PRUNE2: variants seen among roughly 807,000 people sequenced by gnomAD.
PRUNE2 encodes the protein protein prune homolog 2.
A neutral mutation model predicts 252.0 loss-of-function variants in PRUNE2; 164 were observed. That is an observed-to-expected ratio of 0.65 (90% confidence interval 0.57 to 0.74). The LOEUF is 0.74. Ranked by LOEUF, PRUNE2 falls within the 30% of genes least tolerant of loss-of-function variation. The pLI, the probability that PRUNE2 is intolerant of heterozygous loss-of-function variation, is 0.00. For missense variants in PRUNE2, 3,495 were observed against 3,711.0 expected (o/e 0.94, Z 1.51); for synonymous variants, 1,292 against 1,350.2 (o/e 0.96, Z 0.94).
intron 9 of PRUNE2, among the ~76,000 whole-genome samples, chr9:76,699,048 C>G (rs1435503657): frequency 2.9e-5 from 4 of 137,968 alleles, no homozygotes. Context: ...ACCCCCACCC[C>G]CTCCCTCCAT....
intron 6 of PRUNE2, among the ~76,000 whole-genome samples, chr9:76,740,810 T>C (rs534757680): frequency 2.6e-5 from 4 of 152,332 alleles, no homozygotes; most frequent in East Asian, 3.9e-4. Context: ...TGTTGGCTGA[T>C]TGAAGTTATA....
intron 11 of PRUNE2, among the ~76,000 whole-genome samples, chr9:76,651,562 G>T (rs1255105607): frequency 1.3e-5 from 2 of 152,126 alleles, no homozygotes; most frequent in African/African-American, 2.4e-5. Flanking sequence ...TAACTTCAGA[G>T]AATTCCACCC....
At chr9:76,796,725 GCATGAGATTAA>G (rs930302017) in intron 6 of PRUNE2, among the ~76,000 whole-genome samples, 1 of 152,146 alleles carries the variant, frequency 6.6e-6, no homozygotes, top group African/African-American at 2.4e-5. Flanking sequence ...TGGTGTTTCT[GCATGAGATTAA>G]CACTGGAATT....
intron 5 of PRUNE2, among the ~76,000 whole-genome samples, chr9:76,824,122 A>G (rs1357400597): frequency 6.6e-6 from 1 of 152,168 alleles, no homozygotes; most frequent in Non-Finnish European, 1.5e-5. Context: ...AAGGCAAGGA[A>G]GATCCACTAC....
chr9:76,846,556 G>T lies in PRUNE2; in HGVS notation c.467C>A (p.Ala156Asp). 6.2e-7 allele frequency: 1 copy of T among 1,614,090 alleles called. No individual in the cohort carries two copies. The highest frequency in any genetic ancestry group is 8.5e-7 in the Non-Finnish European group (1 of 1,179,966). The change falls in exon 4 of 19, where the codon GCT (alanine) becomes GAT (aspartate). Residue 156 changes from alanine (A) to aspartate (D), a missense_variant. Ala to Asp is a moderately radical substitution (Grantham distance 126). Transcript: ENST00000376718. Reference sequence around the variant, plus strand: ...CAGTTGCTCGGTGATGAGCTCAGGAGCCTCTTGGAGAATCTCCTTTAGCAC... The same window carrying T: ...CAGTTGCTCGGTGATGAGCTCAGGATCCTCTTGGAGAATCTCCTTTAGCAC... Reference protein sequence around the residue: ...SLVLKEILQEAPELITEQLAH... With the variant: ...SLVLKEILQEDPELITEQLAH...
chr9:76,655,526 G>T (rs368020223), intron 9 of PRUNE2, 24 bp from the exon 10 acceptor site: 22 of 1,562,658 alleles, frequency 1.4e-5, no homozygotes, highest in Middle Eastern at 1.7e-4. Flanking sequence ...AAAGCAAAGC[G>T]CGTCAACAAC....
At chr9:76,749,996 A>T (rs948805075) in intron 6 of PRUNE2, among the ~76,000 whole-genome samples, 6 of 151,968 alleles carry the variant, frequency 3.9e-5, no homozygotes, top group African/African-American at 1.4e-4. Context: ...TTCTAATGAG[A>T]TGACACTTGG....
chr9:76,788,871 G>T (rs933494032), intron 6 of PRUNE2, among the ~76,000 whole-genome samples: 5 of 152,280 alleles, frequency 3.3e-5, no homozygotes, highest in African/African-American at 7.2e-5. Flanking sequence ...TTATTAATGT[G>T]AATCTCAGGA....
intron 9 of PRUNE2, among the ~76,000 whole-genome samples, chr9:76,667,689 C>A (rs182192852): frequency 3.9e-5 from 6 of 152,334 alleles, no homozygotes; most frequent in Non-Finnish European, 5.9e-5. Flanking sequence ...CCTTCAACTG[C>A]TGCTCAGCAG....
chr9:76,893,799 A>G (rs2062639101), intron 1 of PRUNE2, among the ~76,000 whole-genome samples: 1 of 152,202 alleles, frequency 6.6e-6, no homozygotes, highest in African/African-American at 2.4e-5. Context: ...ATCTGCATCC[A>G]CCACAGTGAG....
rs116775234 is a variant in PRUNE2, at chr9:76,706,345, C to A, written c.5929G>T (p.Ala1977Ser). The A allele has an allele frequency of 6.2e-7, 1 of 1,613,932 alleles. No homozygotes were observed. The highest frequency in any genetic ancestry group is 8.5e-7 in the Non-Finnish European group (1 of 1,179,874). ...GATGTAACACAACTATTTTCCTCTG[C>A]GTGAGTAAAGGCTGTGTCCGGATGA... ...CDHPDTAFTH[A>S]EENSCVTSNV... Residue 1977 changes from alanine (A) to serine (S), a missense_variant, in exon 8 of 19, where the codon GCA becomes TCA. Coordinates refer to ENST00000376718, the MANE Select transcript of PRUNE2 (RefSeq NM_015225.3).
intron 6 of PRUNE2, among the ~76,000 whole-genome samples, chr9:76,728,290 G>A (rs1208914698): frequency 1.3e-5 from 2 of 151,816 alleles, no homozygotes; most frequent in Non-Finnish European, 2.9e-5. Context: ...ATCTAAACCT[G>A]TATGTTCACA....
chr9:76,782,979 C>T (rs2054583283), intron 6 of PRUNE2: 1 of 152,254 alleles, frequency 6.6e-6, no homozygotes, highest in African/African-American at 2.4e-5. Context: ...TTTAAGATCT[C>T]TTCTAGCCTC....
intron 1 of PRUNE2, among the ~76,000 whole-genome samples, chr9:76,855,082 A>AAAAAAAAAAATATATATATAT (rs1490285240): frequency 9.1e-6 from 1 of 109,438 alleles, no homozygotes; most frequent in Admixed American, 1.0e-4. Flanking sequence ...AAAAAAAAAA[A>AAAAAAAAAAATATATATATAT]ATATATATAT....
At chr9:76,876,278 G>A (rs894017268) in intron 1 of PRUNE2, among the ~76,000 whole-genome samples, 9 of 152,106 alleles carry the variant, frequency 5.9e-5, no homozygotes, top group South Asian at 2.1e-4. Flanking sequence ...GAGAATTGTC[G>A]AAGCAAGGAA....
intron 12 of PRUNE2, chr9:76,644,421 T>G: frequency 2.5e-6 from 1 of 397,454 alleles, no homozygotes; most frequent in Admixed American, 3.3e-5. Context: ...AACCGTACAA[T>G]GGACTGATAA....
chr9:76,776,939 C>G (rs948098589), intron 6 of PRUNE2, among the ~76,000 whole-genome samples: 26 of 128,190 alleles, frequency 2.0e-4, no homozygotes, highest in South Asian at 5.3e-4. Context: ...CACACACACA[C>G]ACACACAAAG....
chr9:76,724,538 T>C (rs920379628), intron 6 of PRUNE2, among the ~76,000 whole-genome samples: 1 of 152,000 alleles, frequency 6.6e-6, no homozygotes, highest in Admixed American at 6.6e-5. Context: ...ACACCTCAAA[T>C]AAGGGAGTTA....
chr9:76,676,556 CA>C (rs2042625839), intron 9 of PRUNE2, among the ~76,000 whole-genome samples: 1 of 152,012 alleles, frequency 6.6e-6, no homozygotes, highest in Admixed American at 6.6e-5. Context: ...GGAGTAGGTA[CA>C]GGGGCGAAAG....
Sources: allele counts gnomAD v4.1 joint callset (sites outside exome capture counted in the v4.1 genomes callset), GRCh38; gene constraint gnomAD v4.1.1; transcripts MANE v1.5; gene names NCBI Gene and HGNC (gene_info 2026-07-23, HGNC 2026-07-21).